TXNDC2: variants seen among roughly 807,000 people sequenced by gnomAD.
The protein encoded by TXNDC2 is thioredoxin domain containing 2.
TXNDC2 carries 1 observed loss-of-function variant against 0.4 expected under a neutral mutation model. The observed-to-expected ratio is 2.30, with a 90% CI of 0.82 to 10.89. The LOEUF (loss-of-function observed/expected upper bound fraction) is 10.89. TXNDC2 is among the 30% of genes most tolerant of loss of function. The probability of loss-of-function intolerance (pLI) is 0.12; values close to 1 mark genes in which losing one functional copy is unlikely to be tolerated. For missense variants in TXNDC2, 509 were observed against 579.8 expected (o/e 0.88, Z 1.25); for synonymous variants, 183 against 224.6 (o/e 0.81, Z 1.66).
chr18:9,888,341 G>T lies in TXNDC2; in HGVS notation c.*200G>T. ...TGCGACTGTGTTTCTGTTAGTGGGA[G>T]AGTATAAAATTAGAAATTCCCATGG... On this transcript the variant is annotated 3_prime_UTR_variant, in exon 2 of 2. Coordinates refer to ENST00000357775, the MANE Select transcript of TXNDC2 (RefSeq NM_032243.6). 1 of 498,142 alleles carries T rather than the reference G, an allele frequency of 2.0e-6. No individual in the cohort carries two copies. The highest frequency in any genetic ancestry group is 3.5e-6 in the Non-Finnish European group (1 of 285,556). The allele number at this position is 498,142 out of a possible 1,614,324, so 30.9% of individuals were successfully genotyped here.
At position 9,886,479 on chromosome 18, in the gene TXNDC2, G is replaced by A. The variant is rs116557226; in HGVS notation, c.-92-110G>A. 1.1e-3 allele frequency: 1,157 copies of A among 1,064,284 alleles called. 9 individuals carry two copies. The African/African-American group carries it at 0.016, about 15-fold the overall frequency. The allele number at this position is 1,064,284 out of a possible 1,614,324, so 65.9% of individuals were successfully genotyped here. ...TTCATCAGACTTCATTCGTGATCTC[G>A]AAGAGTGACATCAGTCTTCCTTGGA... On this transcript the variant is annotated intron_variant, in intron 1 of 1. Transcript: ENST00000357775.
In TXNDC2 at chr18:9,887,425, A is replaced by T. The variant is rs191244385; in HGVS notation, c.745A>T (p.Lys249Ter). The change falls in exon 2 of 2, where the codon AAG becomes TAG. Residue 249 changes from lysine to a stop codon, truncating the protein, a stop_gained. Coordinates refer to ENST00000357775, the MANE Select transcript of TXNDC2 (RefSeq NM_032243.6). LOFTEE classifies it low-confidence loss of function (END_TRUNC). ...CCAGCCCAAGGAGGGTGACATCCCCAAGTCCCCAGAAGAAGCCATCCAGCC... is the reference window on the plus strand; with the variant it reads ...CCAGCCCAAGGAGGGTGACATCCCCTAGTCCCCAGAAGAAGCCATCCAGCC... ...AIQPKEGDIP[K>*]SPEEAIQPKE... 1.8e-6 allele frequency: 2 copies of T among 1,084,140 alleles called. No individual in the cohort carries two copies. Among genetic ancestry groups the T allele is most frequent in the African/African-American group, 3.7e-5 (2 of 54,482 alleles). 67.2% of individuals were successfully genotyped at this position (1,084,140 alleles called of 1,614,324 possible).
intron 1 of TXNDC2, 191 bp downstream of exon 1, chr18:9,886,271 G>A (rs1363061083): frequency 1.2e-6 from 2 of 1,613,794 alleles, no homozygotes; most frequent in South Asian, 1.1e-5. Context: ...AACAAGTGAA[G>A]GTGATGCTAA....
rs1276062237 is a variant in TXNDC2 at position 9,887,842 on chromosome 18, A to G, written c.1162A>G (p.Ser388Gly). ...PEGDKVKVIL[S>G]KEDFEASLKE... ...GGGGGACAAGGTGAAAGTGATCCTG[A>G]GCAAGGAGGACTTTGAGGCATCACT... Residue 388 changes from serine to glycine, a missense_variant, in exon 2 of 2, where the codon AGC becomes GGC. By Grantham distance (56) the Ser-to-Gly change is moderately conservative. Transcript: ENST00000357775. The G allele has an allele frequency of 6.2e-7, 1 of 1,610,112 alleles. No homozygotes were observed. Among genetic ancestry groups the G allele is most frequent in the South Asian group, 1.1e-5 (1 of 90,808 alleles).
Position 9,887,816 on chromosome 18 carries a change from A to C in TXNDC2, c.1136A>C (p.Glu379Ala). 6.2e-7 allele frequency: 1 copy of C among 1,611,198 alleles called. No individual in the cohort carries two copies. Among genetic ancestry groups the C allele is most frequent in the Admixed American group, 1.7e-5 (1 of 59,566 alleles). Residue 379 changes from glutamate (E) to alanine (A), a missense_variant, in exon 2 of 2, where the codon GAG becomes GCG. Physicochemically the swap from Glu to Ala is moderately radical, Grantham distance 107. Transcript: ENST00000357775. ...KPEEETMEFPEGDKVKVILSK... is the reference protein window; with the variant it reads ...KPEEETMEFPAGDKVKVILSK... ...GAAGAAGAAACAATGGAGTTCCCGGAGGGGGACAAGGTGAAAGTGATCCTG... is the reference window on the plus strand; with the variant it reads ...GAAGAAGAAACAATGGAGTTCCCGGCGGGGGACAAGGTGAAAGTGATCCTG...
chr18:9,886,608 G>A lies in TXNDC2; in HGVS notation c.-73G>A. ...GTACAGAAAGCTCATTACTAGTCCT[G>A]TCCAGCAACGTGCCTCTCCTGGCCC... On this transcript the variant is annotated 5_prime_UTR_variant, in exon 2 of 2. Coordinates refer to ENST00000357775, the MANE Select transcript of TXNDC2 (RefSeq NM_032243.6). 6.2e-7 allele frequency: 1 copy of A among 1,612,410 alleles called. No homozygotes were observed. The highest frequency in any genetic ancestry group is 8.5e-7 in the Non-Finnish European group (1 of 1,179,302).
chr18:9,888,319 G>C lies in TXNDC2; in HGVS notation c.*178G>C, dbSNP rs1005818830. 3.6e-6 allele frequency: 2 copies of C among 553,784 alleles called. No individual in the cohort carries two copies. Among genetic ancestry groups the C allele is most frequent in the African/African-American group, 3.7e-5 (2 of 53,716 alleles). The allele number at this position is 553,784 out of a possible 1,614,324, so 34.3% of individuals were successfully genotyped here. On this transcript the variant is annotated 3_prime_UTR_variant, in exon 2 of 2. Transcript: ENST00000357775. Reference sequence around the variant, plus strand: ...CAGTCCAAGCATTAAAGTACATTGCGACTGTGTTTCTGTTAGTGGGAGAGT... The same window carrying C: ...CAGTCCAAGCATTAAAGTACATTGCCACTGTGTTTCTGTTAGTGGGAGAGT...
In TXNDC2 at chr18:9,888,848, G is replaced by A. The variant is rs1257382677; in HGVS notation, c.*707G>A. 6.6e-6 allele frequency: 1 copy of A among 152,178 alleles called. No homozygotes were observed. Among genetic ancestry groups the A allele is most frequent in the Non-Finnish European group, 1.5e-5 (1 of 68,038 alleles). 9.4% of individuals were successfully genotyped at this position (152,178 alleles called of 1,614,324 possible). On this transcript the variant is annotated 3_prime_UTR_variant, in exon 2 of 2. Coordinates refer to ENST00000357775, the MANE Select transcript of TXNDC2 (RefSeq NM_032243.6). ...TTATGACATCAGTGCCCTGATGGCA[G>A]AGTTCCTGGTTCGTCTCCCTGGTAA...
Position 9,886,645 on chromosome 18 carries a change from G to C in TXNDC2, c.-36G>C. The C allele has an allele frequency of 6.2e-7, 1 of 1,614,026 alleles. No individual in the cohort carries two copies. ...GCCTCTCCTGGCCCTAGAGTTCTTGGAAATAGCCCAGGCCAAAGAGAAGGC... is the reference window on the plus strand; with the variant it reads ...GCCTCTCCTGGCCCTAGAGTTCTTGCAAATAGCCCAGGCCAAAGAGAAGGC... On this transcript the variant is annotated 5_prime_UTR_variant, in exon 2 of 2. Coordinates refer to ENST00000357775, the MANE Select transcript of TXNDC2 (RefSeq NM_032243.6).
chr18:9,887,159 C>A lies in TXNDC2; in HGVS notation c.479C>A (p.Thr160Asn), dbSNP rs138015175. The A allele has an allele frequency of 6.9e-6, 11 of 1,584,190 alleles. No individual in the cohort carries two copies. The highest frequency in any genetic ancestry group is 9.5e-6 in the Non-Finnish European group (11 of 1,158,744). Reference sequence around the variant, plus strand: ...CCCAAGCTGGGCAATATTGCCAAGACCTCAGTGAAGCCCAGCCAGCCCAAG... The same window carrying A: ...CCCAAGCTGGGCAATATTGCCAAGAACTCAGTGAAGCCCAGCCAGCCCAAG... ...IQPKLGNIAK[T>N]SVKPSQPKES... Residue 160 changes from threonine to asparagine, a missense_variant, in exon 2 of 2, where the codon ACC becomes AAC. Thr to Asn is a moderately conservative substitution (Grantham distance 65). Coordinates refer to ENST00000357775, the MANE Select transcript of TXNDC2 (RefSeq NM_032243.6).
At position 9,887,860 on chromosome 18, in the gene TXNDC2, G is replaced by A. The variant is rs17732496; in HGVS notation, c.1180G>A (p.Ala394Thr). ...GATCCTGAGCAAGGAGGACTTTGAG[G>A]CATCACTGAAGGAGGCCGGGGAGAG... The part of the protein sequence containing the change: ...KVILSKEDFE[A>T]SLKEAGERLV... Residue 394 changes from alanine to threonine, a missense_variant, in exon 2 of 2, where the codon GCA becomes ACA. Transcript: ENST00000357775. The A allele has an allele frequency of 0.14, 226,526 of 1,610,076 alleles. 16,824 individuals are homozygous for A. The highest frequency in any genetic ancestry group is 0.2 in the Admixed American group (11,702 of 59,634).
rs770738864 is a variant in TXNDC2 at position 9,886,570 on chromosome 18, TTTATG to T, written c.-92-16_-92-12del. ...TTTGATTTATTTTATTTTATTTTAT[TTTATG>T]TTTTTTGGTACAGAAAGCTCATTAC... is the stretch of plus-strand genomic sequence containing the variant. On this transcript the variant is annotated splice_polypyrimidine_tract_variant and intron_variant, in intron 1 of 1. Transcript: ENST00000357775. The T allele has an allele frequency of 2.1e-6, 3 of 1,421,886 alleles. No individual in the cohort carries two copies. In the South Asian group the frequency reaches 4.1e-5, roughly 20 times the overall value. The allele number at this position is 1,421,886 out of a possible 1,614,324, so 88.1% of individuals were successfully genotyped here.
Position 9,887,079 on chromosome 18 carries a change from A to G in TXNDC2, c.399A>G (p.Glu133=). 6.2e-7 allele frequency: 1 copy of G among 1,610,508 alleles called. No homozygotes were observed. The highest frequency in any genetic ancestry group is 8.5e-7 in the Non-Finnish European group (1 of 1,179,204). ...AGGACCTCCCCAAGTCCTCAGAAGA[A>G]GCCATCCAGCCCAAAGAGGGTGACA... ...KKEDLPKSSE[E]AIQPKEGDIP... The change falls in exon 2 of 2, where the codon GAA becomes GAG. Residue 133 remains glutamate (E), a synonymous_variant. Transcript: ENST00000357775.
intron 1 of TXNDC2, 96 bp from the exon 2 acceptor site, chr18:9,886,493 G>C: frequency 8.9e-7 from 1 of 1,122,756 alleles, no homozygotes; most frequent in Non-Finnish European, 1.2e-6. Context: ...AGTGACATCA[G>C]TCTTCCTTGG....
At position 9,888,498 on chromosome 18, in the gene TXNDC2, G is replaced by A. The variant is rs1165236077; in HGVS notation, c.*357G>A. ...AAATTTAGATAATTTTTCTATAGAGGTAGATGACTGAAAGGTGAATGGAAA... is the reference window on the plus strand; with the variant it reads ...AAATTTAGATAATTTTTCTATAGAGATAGATGACTGAAAGGTGAATGGAAA... On this transcript the variant is annotated 3_prime_UTR_variant, in exon 2 of 2. Transcript: ENST00000357775. 5.4e-6 allele frequency: 1 copy of A among 184,584 alleles called. No individual in the cohort carries two copies. Among genetic ancestry groups the A allele is most frequent in the African/African-American group, 2.4e-5 (1 of 42,552 alleles). The allele number at this position is 184,584 out of a possible 1,614,324, so 11.4% of individuals were successfully genotyped here. A position where few individuals can be genotyped will look rare whatever the true frequency, so the allele number is the denominator to read the frequency against.
rs1397066759 is a variant in TXNDC2 at position 9,888,237 on chromosome 18, T to C, written c.*96T>C. On this transcript the variant is annotated 3_prime_UTR_variant, in exon 2 of 2. Transcript: ENST00000357775. ...AAAGTGATCAGGTATAACAAAAGTG[T>C]ATGTCCAAATGGCACTGCTTGTACA... 4.1e-6 allele frequency: 4 copies of C among 980,820 alleles called. No individual in the cohort carries two copies. In the East Asian group the frequency reaches 1.0e-4, roughly 26 times the overall value. The allele number at this position is 980,820 out of a possible 1,614,324, so 60.8% of individuals were successfully genotyped here.
Position 9,887,359 on chromosome 18 carries a change from C to A in TXNDC2, c.679C>A (p.Pro227Thr), listed in dbSNP as rs1224515757. The change falls in exon 2 of 2, where the codon CCC (proline) becomes ACC (threonine). Residue 227 changes from proline to threonine, a missense_variant. Transcript: ENST00000357775. ...CAAGTCCCCAGAAGAAGCCATCCAG[C>A]CCAAGGAGGGTGACCTCCCCAAGTC... The part of the protein sequence containing the change: ...ISKSPEEAIQ[P>T]KEGDLPKSLE... 1.9e-6 allele frequency: 3 copies of A among 1,580,534 alleles called. No individual in the cohort carries two copies. Among genetic ancestry groups the A allele is most frequent in the Admixed American group, 3.5e-5 (2 of 57,170 alleles).
In TXNDC2 at chr18:9,887,103, C is replaced by T. The variant is rs1382043369; in HGVS notation, c.423C>T (p.Asp141=). The T allele has an allele frequency of 1.2e-6, 2 of 1,611,596 alleles. No individual in the cohort carries two copies. The highest frequency in any genetic ancestry group is 1.7e-6 in the Non-Finnish European group (2 of 1,178,802). Residue 141 remains aspartate (D), a synonymous_variant, in exon 2 of 2, where the codon GAC becomes GAT. Coordinates refer to ENST00000357775, the MANE Select transcript of TXNDC2 (RefSeq NM_032243.6). The part of the protein sequence containing the change: ...SEEAIQPKEG[D]IPKSSAKPIQ... ...AAGCCATCCAGCCCAAAGAGGGTGA[C>T]ATCCCCAAGTCCTCAGCAAAACCCA...
Position 9,888,387 on chromosome 18 carries a change from G to T in TXNDC2, c.*246G>T. 2 of 394,654 alleles carry T rather than the reference G, an allele frequency of 5.1e-6. No homozygotes were observed. Among genetic ancestry groups the T allele is most frequent in the South Asian group, 1.9e-4 (2 of 10,548 alleles). 24.4% of individuals were successfully genotyped at this position (394,654 alleles called of 1,614,324 possible). On this transcript the variant is annotated 3_prime_UTR_variant, in exon 2 of 2. Coordinates refer to ENST00000357775, the MANE Select transcript of TXNDC2 (RefSeq NM_032243.6). ...CATGGTGAAGACTGCTAAGTCCCAT[G>T]GTTTCCTATTTTTCAATCTTGATAT...
Sources: allele counts gnomAD v4.1 joint callset, GRCh38; gene constraint gnomAD v4.1.1; transcripts MANE v1.5; gene names NCBI Gene and HGNC (gene_info 2026-07-23, HGNC 2026-07-21).